NFS1: variants seen among roughly 807,000 people sequenced by gnomAD.
NFS1 encodes NFS1 cysteine desulfurase.
NFS1 carries 26 observed loss-of-function variants against 57.3 expected under a neutral mutation model. The observed-to-expected ratio is 0.45, with a 90% CI of 0.33 to 0.63. The LOEUF is 0.63. NFS1 is among the 20% of genes least tolerant of loss of function. The pLI is 0.02. For synonymous variants in NFS1, 209 were observed against 216.3 expected, an observed-to-expected ratio of 0.97 and a Z score of 0.30; for missense variants, 505 against 605.8, an observed-to-expected ratio of 0.83 and a Z score of 1.75.
intron 7 of NFS1, among the ~76,000 whole-genome samples, chr20:35,677,812 T>TA (rs1451860118): frequency 6.6e-6 from 1 of 152,202 alleles, no homozygotes; most frequent in Non-Finnish European, 1.5e-5. Flanking sequence ...GTCATGCCTG[T>TA]AATCCCAGCA....
chr20:35,672,882 C>A, intron 11 of NFS1, 38 bp from the exon 12 acceptor site: 1 of 1,232,848 alleles, frequency 8.1e-7, no homozygotes, highest in Non-Finnish European at 1.2e-6. Context: ...CCCATCAGAG[C>A]TCTGGCACTG....
chr20:35,687,628 C>T (rs1372025456), intron 5 of NFS1, among the ~76,000 whole-genome samples: 1 of 152,150 alleles, frequency 6.6e-6, no homozygotes, highest in Non-Finnish European at 1.5e-5. Context: ...GTCCCCTGGG[C>T]CCAGCTGTCT....
At chr20:35,692,026 A>G (rs879271970) in intron 4 of NFS1, among the ~76,000 whole-genome samples, 2 of 152,038 alleles carry the variant, frequency 1.3e-5, no homozygotes, top group East Asian at 3.9e-4. Context: ...CTACTAAAAA[A>G]AATACAAAAA....
Position 35,698,987 on chromosome 20 carries a change from G to T in NFS1, c.97+205C>A, listed in dbSNP as rs558449500. 3.6e-5 allele frequency: 48 copies of T among 1,325,818 alleles called. 1 individual carries two copies. The East Asian group carries it at 3.7e-4, about 10-fold the overall frequency. The allele number at this position is 1,325,818 out of a possible 1,614,324, so 82.1% of individuals were successfully genotyped here. A position where few individuals can be genotyped will look rare whatever the true frequency, so the allele number is the denominator to read the frequency against. On this transcript the variant is annotated intron_variant, in intron 1 of 12. Transcript: ENST00000374092. Reference sequence around the variant, plus strand: ...AAGGACGCGCCTCCACGGCTCTGGGGGCCTGTCGCGCAGGGTGCGAGGGGT... The same window carrying T: ...AAGGACGCGCCTCCACGGCTCTGGGTGCCTGTCGCGCAGGGTGCGAGGGGT...
intron 4 of NFS1, among the ~76,000 whole-genome samples, 172 bp from the exon 5 acceptor site, chr20:35,690,737 G>A (rs1040734515): frequency 3.3e-5 from 5 of 152,154 alleles, no homozygotes; most frequent in African/African-American, 9.7e-5. Context: ...CAGACTTAGT[G>A]AAAACCCCAT....
At chr20:35,679,938 A>G (rs547619940) in intron 7 of NFS1, among the ~76,000 whole-genome samples, 6 of 152,264 alleles carry the variant, frequency 3.9e-5, no homozygotes, top group Non-Finnish European at 7.4e-5. Flanking sequence ...ACACATTCCA[A>G]TAGGACCATA....
At chr20:35,672,643 G>A in intron 12 of NFS1, 112 bp downstream of exon 12, 2 of 731,082 alleles carry the variant, frequency 2.7e-6, no homozygotes, top group Non-Finnish European at 4.9e-6. Flanking sequence ...TAAATCCTAA[G>A]ATCCAAGTAC....
At chr20:35,690,347 A>T in intron 5 of NFS1, 66 bp downstream of exon 5, 2 of 1,515,810 alleles carry the variant, frequency 1.3e-6, no homozygotes, top group Non-Finnish European at 1.8e-6. Flanking sequence ...AGGGCCCAAG[A>T]GAGAAATTTA....
chr20:35,692,527 TAAA>T (rs61052129), intron 4 of NFS1, among the ~76,000 whole-genome samples: 2,696 of 42,098 alleles, frequency 0.064, 22 homozygotes, highest in South Asian at 0.16. Flanking sequence ...TCATCTATAC[TAAA>T]AAAAAAAAAA....
intron 4 of NFS1, chr20:35,692,397 A>G: frequency 5.5e-6 from 1 of 181,294 alleles, no homozygotes; most frequent in Non-Finnish European, 1.1e-5. Flanking sequence ...AAATTAATTA[A>G]TTAAAAAAAA....
chr20:35,680,302 C>T (rs1051248265), intron 7 of NFS1, among the ~76,000 whole-genome samples: 17 of 151,552 alleles, frequency 1.1e-4, no homozygotes, highest in African/African-American at 1.9e-4. Flanking sequence ...GAGACTCCGT[C>T]TCAAGAAAAA....
At chr20:35,684,418 A>ATAACATAACAAACATAACATAAC (rs1568961155) in intron 5 of NFS1, among the ~76,000 whole-genome samples, 4 of 119,262 alleles carry the variant, frequency 3.4e-5, no homozygotes, top group African/African-American at 1.0e-4. Flanking sequence ...AAATAAATAA[A>ATAACATAACAAACATAACATAAC]ATAAAATAAA....
rs557029840 is a variant in NFS1, at chr20:35,698,897, G to C, written c.97+295C>G. 19 of 1,321,934 alleles carry C rather than the reference G, an allele frequency of 1.4e-5. No homozygotes were observed. In the East Asian group the frequency reaches 5.7e-4, roughly 39 times the overall value. 81.9% of individuals were successfully genotyped at this position (1,321,934 alleles called of 1,614,324 possible). A position where few individuals can be genotyped will look rare whatever the true frequency, so the allele number is the denominator to read the frequency against. ...AGCCAGAGTAGGTGCAGTCCCTTCT[G>C]ACCGAAGGTAACGGTCTGCACGGGA... is the stretch of plus-strand genomic sequence containing the variant. On this transcript the variant is annotated intron_variant, in intron 1 of 12. Coordinates refer to ENST00000374092, the MANE Select transcript of NFS1 (RefSeq NM_021100.5).
chr20:35,681,339 T>G (rs559088697), intron 6 of NFS1, among the ~76,000 whole-genome samples: 1 of 151,766 alleles, frequency 6.6e-6, no homozygotes, highest in East Asian at 1.9e-4. Context: ...GGAAAAAGAG[T>G]AGCAGGCTTT....
chr20:35,673,160 T>G (rs947953081), intron 11 of NFS1, among the ~76,000 whole-genome samples: 1 of 152,018 alleles, frequency 6.6e-6, no homozygotes, highest in Non-Finnish European at 1.5e-5. Flanking sequence ...TGGTGGCACA[T>G]GTCTGTAATC....
At chr20:35,689,264 G>C (rs2146431926) in intron 5 of NFS1, among the ~76,000 whole-genome samples, 1 of 152,248 alleles carries the variant, frequency 6.6e-6, no homozygotes, top group Admixed American at 6.5e-5. Context: ...GAGATGGGTG[G>C]ATCACCTGAG....
intron 4 of NFS1, chr20:35,692,135 G>C (rs1488730487): frequency 5.7e-6 from 1 of 175,564 alleles, no homozygotes; most frequent in Non-Finnish European, 1.2e-5. Context: ...GCAGTGAGCC[G>C]AGGTCACGCC....
Position 35,669,548 on chromosome 20 carries a change from A to G in NFS1, c.*74T>C, listed in dbSNP as rs1276524231. On this transcript the variant is annotated 3_prime_UTR_variant, in exon 13 of 13. Transcript: ENST00000374092. Reference sequence around the variant, plus strand: ...CAATCTAGAGCATCCACTAGGTGTAACAAGGTGTCTGGTTGTGCACGGGTT... The same window carrying G: ...CAATCTAGAGCATCCACTAGGTGTAGCAAGGTGTCTGGTTGTGCACGGGTT... The G allele has an allele frequency of 1.5e-6, 2 of 1,338,590 alleles. No individual in the cohort carries two copies. The highest frequency in any genetic ancestry group is 2.2e-6 in the Non-Finnish European group (2 of 929,452). 82.9% of individuals were successfully genotyped at this position (1,338,590 alleles called of 1,614,324 possible).
intron 5 of NFS1, among the ~76,000 whole-genome samples, chr20:35,689,674 G>A (rs575462476): frequency 1.1e-3 from 161 of 152,144 alleles, no homozygotes; most frequent in African/African-American, 3.8e-3. Flanking sequence ...GGAGGCCGAG[G>A]CAGGGGAGTC....
Sources: allele counts gnomAD v4.1 joint callset (sites outside exome capture counted in the v4.1 genomes callset), GRCh38; gene constraint gnomAD v4.1.1; transcripts MANE v1.5; gene names NCBI Gene and HGNC (gene_info 2026-07-23, HGNC 2026-07-21).